The following ADAMTS9 variants were observed in gnomAD, a reference collection of about 807,000 sequenced individuals.
The protein encoded by ADAMTS9 is ADAM metallopeptidase with thrombospondin type 1 motif 9, also known as A disintegrin and metalloproteinase with thrombospondin motifs 9.
A neutral mutation model predicts 257.1 loss-of-function variants in ADAMTS9; 107 were observed. The ratio of observed to expected loss-of-function variants is 0.42; its 90% CI spans 0.36 to 0.49. The LOEUF (loss-of-function observed/expected upper bound fraction) is 0.49. ADAMTS9 is among the 20% of genes least tolerant of loss of function. The probability of loss-of-function intolerance (pLI) is 0.03; values close to 1 mark genes in which losing one functional copy is unlikely to be tolerated. For missense variants in ADAMTS9, 2,353 were observed against 2,469.1 expected (o/e 0.95, Z 1.00); for synonymous variants, 982 against 880.9 (o/e 1.11, Z -2.03).
At chr3:64,562,215 G>C (rs1285696421) in intron 29 of ADAMTS9, among the ~76,000 whole-genome samples, 1 of 152,116 alleles carries the variant, frequency 6.6e-6, no homozygotes, top group Non-Finnish European at 1.5e-5. Context: ...GAAGATTTTA[G>C]GACTTTATAA....
intron 37 of ADAMTS9, 133 bp from the exon 38 acceptor site, chr3:64,533,403 T>G (rs765610730): frequency 1.2e-5 from 8 of 688,702 alleles, no homozygotes; most frequent in Non-Finnish European, 2.0e-5. Flanking sequence ...CTACTAATTA[T>G]TGATAGTATT....
intron 32 of ADAMTS9, among the ~76,000 whole-genome samples, chr3:64,542,669 A>T (rs932857756): frequency 2.6e-5 from 4 of 152,140 alleles, no homozygotes; most frequent in African/African-American, 7.2e-5. Context: ...AGCAGGAAAG[A>T]TCTAAAATTG....
At chr3:64,528,812 T>G (rs749272187) in intron 38 of ADAMTS9, among the ~76,000 whole-genome samples, 2 of 152,166 alleles carry the variant, frequency 1.3e-5, no homozygotes, top group Non-Finnish European at 2.9e-5. Context: ...AATAAGTCAA[T>G]GAGAAAGGGG....
At chr3:64,531,850 C>T (rs115690273) in intron 38 of ADAMTS9, among the ~76,000 whole-genome samples, 2,284 of 152,318 alleles carry the variant, frequency 0.015, 61 homozygotes, top group African/African-American at 0.05. Flanking sequence ...GGGCTCCTGG[C>T]TGAGATGGGA....
intron 3 of ADAMTS9, 55 bp from the exon 4 acceptor site, chr3:64,658,846 A>C (rs1701153694): frequency 2.6e-6 from 4 of 1,519,746 alleles, no homozygotes; most frequent in Non-Finnish European, 3.6e-6. Flanking sequence ...ATTTTATATT[A>C]AGAATTTAAT....
intron 26 of ADAMTS9, among the ~76,000 whole-genome samples, chr3:64,598,426 C>T (rs1028147312): frequency 6.6e-6 from 1 of 151,562 alleles, no homozygotes; most frequent in Non-Finnish European, 1.5e-5. Flanking sequence ...AAGCAATCTT[C>T]CCACCTCAGT....
chr3:64,633,362 G>A, intron 14 of ADAMTS9, 110 bp downstream of exon 14: 1 of 1,485,962 alleles, frequency 6.7e-7, no homozygotes, highest in Non-Finnish European at 9.1e-7. Flanking sequence ...GAGAACCACT[G>A]CCCTGGCAAC....
At chr3:64,577,478 C>T (rs1486792616) in intron 28 of ADAMTS9, among the ~76,000 whole-genome samples, 9 of 152,158 alleles carry the variant, frequency 5.9e-5, no homozygotes, top group Non-Finnish European at 1.3e-4. Context: ...TTATGAAAGC[C>T]GTCTGGAAGA....
At chr3:64,637,499 A>G (rs1477397150) in intron 12 of ADAMTS9, among the ~76,000 whole-genome samples, 1 of 152,214 alleles carries the variant, frequency 6.6e-6, no homozygotes, top group Non-Finnish European at 1.5e-5. Context: ...AATACATAGA[A>G]AGGAAATTCA....
intron 28 of ADAMTS9, among the ~76,000 whole-genome samples, chr3:64,569,635 G>T (rs2083628605): frequency 7.4e-6 from 1 of 134,524 alleles, no homozygotes; most frequent in African/African-American, 3.5e-5. Flanking sequence ...TACCAAGCAT[G>T]CTCAGTTATC....
intron 29 of ADAMTS9, among the ~76,000 whole-genome samples, chr3:64,564,620 G>A (rs531189645): frequency 4.0e-5 from 6 of 151,492 alleles, no homozygotes; most frequent in Non-Finnish European, 4.4e-5. Flanking sequence ...TTTGTGTGTG[G>A]GGGGGGCGTT....
chr3:64,595,740 G>A (rs966105232), intron 27 of ADAMTS9, among the ~76,000 whole-genome samples: 2 of 152,136 alleles, frequency 1.3e-5, no homozygotes, highest in African/African-American at 2.4e-5. Flanking sequence ...ATGTGGACAC[G>A]TGATTTCATT....
chr3:64,631,964 A>T, intron 14 of ADAMTS9, 39 bp from the exon 15 acceptor site: 1 of 1,453,478 alleles, frequency 6.9e-7, no homozygotes, highest in Non-Finnish European at 9.6e-7. Flanking sequence ...TGTAAGCATT[A>T]TAGAGATTAT....
chr3:64,584,809 T>C (rs2084105753), intron 28 of ADAMTS9, among the ~76,000 whole-genome samples: 1 of 152,106 alleles, frequency 6.6e-6, no homozygotes, highest in African/African-American at 2.4e-5. Flanking sequence ...AATTTGAGAG[T>C]AATTTAGAGA....
At chr3:64,540,656 C>T (rs2083108948) in intron 36 of ADAMTS9, among the ~76,000 whole-genome samples, 1 of 152,156 alleles carries the variant, frequency 6.6e-6, no homozygotes, top group African/African-American at 2.4e-5. Context: ...CTTCTGCTAC[C>T]AGCTCTGCTT....
In ADAMTS9 at chr3:64,687,155, G is replaced by A. The variant is rs1420943048; in HGVS notation, c.116-187C>T. Among the ~76,000 whole-genome samples the A allele has an allele frequency of 1.3e-5, 2 of 152,142 alleles. No individual in the cohort carries two copies. Among genetic ancestry groups the A allele is most frequent in the African/African-American group, 4.8e-5 (2 of 41,428 alleles). On this transcript the variant is annotated intron_variant, in intron 1 of 39. Coordinates refer to ENST00000498707, the MANE Select transcript of ADAMTS9 (RefSeq NM_182920.2). The surrounding 1 kb of genome is among the most constrained non-coding windows in gnomAD (Gnocchi z 4.4). ...GTGCCAGTAACAGGACCTGTGCTAGGTGCTGAGGATACACTATTCCGAGCC... is the reference window on the plus strand; with the variant it reads ...GTGCCAGTAACAGGACCTGTGCTAGATGCTGAGGATACACTATTCCGAGCC...
chr3:64,686,874 T>C lies in ADAMTS9; in HGVS notation c.210A>G (p.Lys70=). 3 of 1,614,144 alleles carry C rather than the reference T, an allele frequency of 1.9e-6. No homozygotes were observed. The Admixed American group carries it at 5.0e-5, about 27-fold the overall frequency. ...GEPFPTNVHF[K]RTRRSINSAT... is the part of the protein sequence containing the mutation. ...CAGAGTTAATGCTCCGTCGCGTTCT[T>C]TTGAAGTGGACGTTCGTGGGAAAGG... is the stretch of plus-strand genomic sequence containing the variant. The change falls in exon 2 of 40, where the codon AAA becomes AAG. Residue 70 remains lysine, a synonymous_variant. Transcript: ENST00000498707. The surrounding 1 kb of genome is among the most constrained non-coding windows in gnomAD (Gnocchi z 4.6).
At chr3:64,584,763 C>G (rs1428626754) in intron 28 of ADAMTS9, among the ~76,000 whole-genome samples, 1 of 152,128 alleles carries the variant, frequency 6.6e-6, no homozygotes. Flanking sequence ...CCATCTCTCT[C>G]TCTATATGCT....
intron 30 of ADAMTS9, among the ~76,000 whole-genome samples, chr3:64,559,192 GC>G (rs1240602443): frequency 2.6e-5 from 4 of 152,162 alleles, no homozygotes; most frequent in Non-Finnish European, 5.9e-5. Flanking sequence ...TAAGGTAATT[GC>G]CCAGTTACTG....
Sources: gnomAD v4.1 joint callset for allele counts (sites outside exome capture counted in the v4.1 genomes callset) on GRCh38, gnomAD v4.1.1 for gene constraint, Gnocchi (gnomAD v3.1) non-coding constraint, MANE v1.5 for transcripts, NCBI Gene and HGNC (gene_info 2026-07-23, HGNC 2026-07-21) for gene names.